The following TANC2 variants were observed in gnomAD, a reference collection of about 807,000 sequenced individuals.
TANC2 encodes the protein tetratricopeptide repeat, ankyrin repeat and coiled-coil containing 2, also known as protein TANC2.
In TANC2, 26 loss-of-function variants were observed where a neutral mutation model predicts 210.5. That is an observed-to-expected ratio of 0.12 (90% CI 0.09 to 0.17). The LOEUF is 0.17. Ranked by LOEUF, TANC2 falls within the 10% of genes least tolerant of loss-of-function variation. The pLI, the probability that TANC2 is intolerant of heterozygous loss-of-function variation, is 1.00. For synonymous variants in TANC2, 931 were observed against 967.1 expected (o/e 0.96, Z 0.69); for missense variants, 2,129 against 2,608.9 (o/e 0.82, Z 4.01).
In TANC2 at chr17:63,306,869, G is replaced by A. The variant is rs137981289; in HGVS notation, c.1160-7519G>A. ...CTTGGGAGGCTAAGGCAGGAGGATT[G>A]CTTGAGCCCAGGAATTTGAGGCTGC... On this transcript the variant is annotated intron_variant, in intron 9 of 27. Coordinates refer to ENST00000689528, the Ensembl canonical transcript of TANC2. Among the ~76,000 whole-genome samples the A allele has an allele frequency of 5.9e-5, 9 of 152,268 alleles. No individual in the cohort carries two copies. The East Asian group carries it at 1.7e-3, about 29-fold the overall frequency.
intron 9 of TANC2, among the ~76,000 whole-genome samples, chr17:63,294,708 A>G (rs140919021): frequency 1.7e-3 from 257 of 152,260 alleles, no homozygotes; most frequent in Non-Finnish European, 2.9e-3. Flanking sequence ...TTATGCACCT[A>G]TCATTTTTTA....
intron 7 of TANC2, among the ~76,000 whole-genome samples, chr17:63,201,361 G>C (rs2041528064): frequency 6.6e-6 from 1 of 152,106 alleles, no homozygotes; most frequent in Admixed American, 6.5e-5. Context: ...GAGTTGTTCT[G>C]GGTCTATTTG....
intron 14 of TANC2, among the ~76,000 whole-genome samples, chr17:63,374,933 T>C (rs941294337): frequency 2.0e-5 from 3 of 152,160 alleles, no homozygotes; most frequent in Non-Finnish European, 4.4e-5. Context: ...GAGATACTTG[T>C]GACTTTTCAG....
chr17:63,336,644 T>G (rs747377429), intron 11 of TANC2, among the ~76,000 whole-genome samples: 8 of 152,238 alleles, frequency 5.3e-5, no homozygotes, highest in Non-Finnish European at 1.2e-4. Context: ...ACTTGCTATC[T>G]TCCTCCAAAG....
rs958405383 is a variant in TANC2 at position 63,388,784 on chromosome 17, T to C, written c.2814+27T>C. On this transcript the variant is annotated intron_variant, in intron 16 of 27. Transcript: ENST00000689528. Reference sequence around the variant, plus strand: ...TAAATTTATAAAGAAATTATAAATATGATAAGGAATTAACTATGAAAAAAT... The same window carrying C: ...TAAATTTATAAAGAAATTATAAATACGATAAGGAATTAACTATGAAAAAAT... 2.7e-6 allele frequency: 4 copies of C among 1,472,184 alleles called. No individual in the cohort carries two copies. The African/African-American group carries it at 4.3e-5, about 16-fold the overall frequency. 91.2% of individuals were successfully genotyped at this position (1,472,184 alleles called of 1,614,324 possible).
rs376018871 is a variant in TANC2 at position 63,319,005 on chromosome 17, A to T, written c.1490A>T (p.His497Leu). Residue 497 changes from histidine to leucine, a missense_variant, in exon 11 of 28, where the codon CAC becomes CTC. Transcript: ENST00000689528. Reference sequence around the variant, plus strand: ...CCACTCACACAGCCACCTTCAGCCCACTCATCTATCACCAGTGGAAGCTGC... The same window carrying T: ...CCACTCACACAGCCACCTTCAGCCCTCTCATCTATCACCAGTGGAAGCTGC... 1.1e-5 allele frequency: 17 copies of T among 1,613,418 alleles called. No individual in the cohort carries two copies. In the African/African-American group the frequency reaches 1.9e-4, roughly 18 times the overall value.
At chr17:63,358,349 G>A (rs1038550542) in intron 14 of TANC2, among the ~76,000 whole-genome samples, 2 of 141,942 alleles carry the variant, frequency 1.4e-5, no homozygotes, top group African/African-American at 2.9e-5. Flanking sequence ...AAGGTGAGTA[G>A]AGTGAGAGAG....
At chr17:63,084,699 A>G (rs977069073) in intron 3 of TANC2, among the ~76,000 whole-genome samples, 1 of 152,082 alleles carries the variant, frequency 6.6e-6, no homozygotes, top group Non-Finnish European at 1.5e-5. Context: ...TTAGTTCAAA[A>G]TATTTTAAAA....
At chr17:63,229,823 G>A (rs2042425135) in intron 7 of TANC2, among the ~76,000 whole-genome samples, 6 of 148,446 alleles carry the variant, frequency 4.0e-5, no homozygotes. Context: ...AGGCTGGAGT[G>A]TATTGGTGTG....
rs559900592 is a variant in TANC2 at position 63,417,166 on chromosome 17, A to G, written c.4168-1141A>G. Reference sequence around the variant, plus strand: ...CGGTTGTTAATCACCTCCTGGGCCAATACTGTGCCAAACACCAGACGTCTG... The same window carrying G: ...CGGTTGTTAATCACCTCCTGGGCCAGTACTGTGCCAAACACCAGACGTCTG... On this transcript the variant is annotated intron_variant, in intron 26 of 27. Coordinates refer to ENST00000689528, the Ensembl canonical transcript of TANC2. 1.1e-4 allele frequency among the ~76,000 whole-genome samples: 17 copies of G among 152,304 alleles called. No homozygotes were observed. In the South Asian group the frequency reaches 3.5e-3, roughly 32 times the overall value.
chr17:63,406,962 CAG>C (rs912604517), intron 21 of TANC2, among the ~76,000 whole-genome samples: 11 of 152,322 alleles, frequency 7.2e-5, no homozygotes, highest in African/African-American at 2.4e-4. Flanking sequence ...AAGCAAGAGA[CAG>C]AGGCAGTCAT....
At chr17:63,094,055 AT>A (rs761948792) in intron 3 of TANC2, among the ~76,000 whole-genome samples, 7 of 152,214 alleles carry the variant, frequency 4.6e-5, no homozygotes, top group Non-Finnish European at 1.0e-4. Flanking sequence ...GTTTTTTAAA[AT>A]TTTCCAAATG....
At chr17:63,043,263 A>G (rs2035257727) in intron 2 of TANC2, among the ~76,000 whole-genome samples, 1 of 152,124 alleles carries the variant, frequency 6.6e-6, no homozygotes, top group Admixed American at 6.6e-5. Context: ...CCACTTCTCT[A>G]GCACATAGTA....
chr17:63,403,078 A>T (rs961113860), intron 19 of TANC2, among the ~76,000 whole-genome samples: 1 of 152,218 alleles, frequency 6.6e-6, no homozygotes, highest in African/African-American at 2.4e-5. Context: ...CTCACATGTA[A>T]ATGTGTTATC....
At chr17:63,012,158 A>G (rs2033902580) in intron 2 of TANC2, among the ~76,000 whole-genome samples, 1 of 151,890 alleles carries the variant, frequency 6.6e-6, no homozygotes, top group Non-Finnish European at 1.5e-5. Flanking sequence ...CTGGGACTAC[A>G]GGTGTACACC....
chr17:63,249,104 G>A (rs2042990330), intron 8 of TANC2, among the ~76,000 whole-genome samples: 1 of 152,110 alleles, frequency 6.6e-6, no homozygotes, highest in Non-Finnish European at 1.5e-5. Context: ...CACATATGAG[G>A]ATAGTACTGT....
chr17:63,209,146 A>C (rs140785534), intron 7 of TANC2, among the ~76,000 whole-genome samples: 1 of 151,886 alleles, frequency 6.6e-6, no homozygotes, highest in East Asian at 2.0e-4. Context: ...AGCATCTGGG[A>C]CTACAGGCGC....
At chr17:63,001,530 C>CTT (rs534398376) in intron 1 of TANC2, among the ~76,000 whole-genome samples, 26 of 140,128 alleles carry the variant, frequency 1.9e-4, no homozygotes, top group Non-Finnish European at 2.3e-4. Context: ...CTTTTCTTTT[C>CTT]TTTTTTTTTT....
intron 5 of TANC2, among the ~76,000 whole-genome samples, chr17:63,177,977 TA>T (rs2040647704): frequency 6.6e-6 from 1 of 152,220 alleles, no homozygotes; most frequent in African/African-American, 2.4e-5. Context: ...TTGTTTCTTA[TA>T]TTTCTTCCCT....
Sources: gnomAD v4.1 joint callset for allele counts (sites outside exome capture counted in the v4.1 genomes callset) on GRCh38, gnomAD v4.1.1 for gene constraint, MANE v1.5 for transcripts, NCBI Gene and HGNC (gene_info 2026-07-23, HGNC 2026-07-21) for gene names.